Variants in GLIS3 observed in about 807,000 individuals in gnomAD.
GLIS3 encodes the protein GLIS family zinc finger 3.
Under a neutral mutation model 78.6 loss-of-function variants are expected in GLIS3, and 53 were observed. That is an observed-to-expected ratio of 0.67 (90% CI 0.54 to 0.85). GLIS3 has a LOEUF of 0.85. Ranked by LOEUF, GLIS3 falls within the 40% of genes least tolerant of loss-of-function variation. GLIS3 has a pLI of 0.00. For synonymous variants in GLIS3, 684 were observed against 509.9 expected, an observed-to-expected ratio of 1.34 and a Z score of -4.60; for missense variants, 1,703 against 1,231.1, an observed-to-expected ratio of 1.38 and a Z score of -5.74.
At chr9:4,260,762 A>G (rs1024652501) in intron 2 of GLIS3, among the ~76,000 whole-genome samples, 9 of 151,864 alleles carry the variant, frequency 5.9e-5, no homozygotes, top group African/African-American at 1.5e-4. Flanking sequence ...AAAAAAAAAG[A>G]AAAAAAGGAC....
chr9:3,904,601 A>G (rs1823535284), intron 6 of GLIS3, among the ~76,000 whole-genome samples: 2 of 152,212 alleles, frequency 1.3e-5, no homozygotes, highest in African/African-American at 4.8e-5. Context: ...TCAGGTCAGG[A>G]AGGAGAAAGC....
In GLIS3 at chr9:4,333,943, G is replaced by A. The variant is rs138754339; in HGVS notation, n.264+13138C>T. ...TTCCTTAAATCCTACCTGGAATGGT[G>A]CCACCTTGTCTGCTCTGATGACCTC... On this transcript the variant is annotated intron_variant and non_coding_transcript_variant, in intron 2 of 4. Transcript: ENST00000471664. Among the ~76,000 whole-genome samples, 78 of 152,298 alleles carry A rather than the reference G, an allele frequency of 5.1e-4. No individual in the cohort carries two copies. The East Asian group carries it at 0.011, about 22-fold the overall frequency.
chr9:4,297,677 T>C lies in GLIS3; in HGVS notation c.-99+1744A>G, dbSNP rs570057420. 2.0e-5 allele frequency among the ~76,000 whole-genome samples: 3 copies of C among 152,226 alleles called. No homozygotes were observed. In the East Asian group the frequency reaches 5.8e-4, roughly 30 times the overall value. On this transcript the variant is annotated intron_variant, in intron 1 of 10. Transcript: ENST00000381971. The stretch of plus-strand genomic sequence containing the variant: ...CCCTGTGATTCCGGAAGCACCTCCC[T>C]ACCCCTTCCCCAGGTTTACATGCTC...
intron 2 of GLIS3, among the ~76,000 whole-genome samples, chr9:4,215,205 A>T (rs4741921): frequency 0.22 from 32,792 of 152,134 alleles, 4,630 homozygotes; most frequent in South Asian, 0.48. Flanking sequence ...ATAAATTTAC[A>T]TGAAAGCCTT....
intron 2 of GLIS3, among the ~76,000 whole-genome samples, chr9:4,180,468 T>C (rs1047737044): frequency 6.6e-6 from 1 of 152,178 alleles, no homozygotes; most frequent in African/African-American, 2.4e-5. Context: ...ACATAATTTT[T>C]TACGGCTATT....
intron 2 of GLIS3, among the ~76,000 whole-genome samples, chr9:4,268,069 T>A (rs1373042936): frequency 2.0e-5 from 3 of 151,196 alleles, no homozygotes; most frequent in East Asian, 1.9e-4. Flanking sequence ...ACACACACAC[T>A]CACACACACA....
intron 2 of GLIS3, among the ~76,000 whole-genome samples, chr9:4,257,148 GTAT>G (rs1825029171): frequency 6.6e-6 from 1 of 152,126 alleles, no homozygotes; most frequent in Non-Finnish European, 1.5e-5. Context: ...TACATATGGA[GTAT>G]TATTAAGCCT....
chr9:4,292,494 G>A (rs754385939), intron 1 of GLIS3, among the ~76,000 whole-genome samples: 2 of 152,144 alleles, frequency 1.3e-5, no homozygotes, highest in Admixed American at 1.3e-4. Flanking sequence ...TGCAGGTACA[G>A]AGTTGAACAG....
the GLIS3 span, among the ~76,000 whole-genome samples, chr9:4,412,858 C>T: frequency 1.3e-5 from 2 of 152,214 alleles, no homozygotes; most frequent in African/African-American, 4.8e-5. Flanking sequence ...TCTCTTCCTC[C>T]ATCTGCCTCT....
chr9:3,946,991 G>A (rs1384815491), intron 4 of GLIS3, among the ~76,000 whole-genome samples: 2 of 143,070 alleles, frequency 1.4e-5, no homozygotes, highest in Non-Finnish European at 1.6e-5. Context: ...CGCCTCTGTC[G>A]GCCATCCTAC....
intron 2 of GLIS3, among the ~76,000 whole-genome samples, chr9:4,237,058 T>G (rs1364807714): frequency 1.3e-5 from 2 of 151,100 alleles, no homozygotes; most frequent in African/African-American, 4.8e-5. Flanking sequence ...ATCACAGAAA[T>G]GTTTTAGAAA....
the GLIS3 span, among the ~76,000 whole-genome samples, chr9:4,438,784 G>C: frequency 2.0e-5 from 3 of 152,136 alleles, no homozygotes; most frequent in Non-Finnish European, 4.4e-5. Context: ...CGCCATGTAG[G>C]ACGTGTCTTG....
intron 4 of GLIS3, among the ~76,000 whole-genome samples, chr9:4,068,602 G>A (rs1171182509): frequency 6.6e-6 from 1 of 152,044 alleles, no homozygotes; most frequent in Non-Finnish European, 1.5e-5. Flanking sequence ...AAATATTAGA[G>A]AAAATCCTGG....
intron 4 of GLIS3, among the ~76,000 whole-genome samples, chr9:4,060,530 G>A (rs988443693): frequency 1.3e-5 from 2 of 152,166 alleles, no homozygotes; most frequent in Non-Finnish European, 2.9e-5. Flanking sequence ...CTGCCCTCAT[G>A]AATGATGGGT....
At chr9:3,982,594 T>C (rs1045074009) in intron 4 of GLIS3, among the ~76,000 whole-genome samples, 2 of 152,202 alleles carry the variant, frequency 1.3e-5, no homozygotes, top group Non-Finnish European at 2.9e-5. Context: ...AAATTTGCTA[T>C]ATATTTAATA....
At chr9:4,175,403 T>C (rs770571359) in intron 2 of GLIS3, among the ~76,000 whole-genome samples, 1 of 152,156 alleles carries the variant, frequency 6.6e-6, no homozygotes, top group South Asian at 2.1e-4. Context: ...TTCTCCACAG[T>C]TCTGGAACTT....
chr9:4,454,187 C>T, the GLIS3 span, among the ~76,000 whole-genome samples: 1 of 148,710 alleles, frequency 6.7e-6, no homozygotes, highest in Non-Finnish European at 1.5e-5. Context: ...AGAAAAAAAC[C>T]AGAGACAGGG....
At chr9:3,950,735 T>C (rs747175125) in intron 4 of GLIS3, among the ~76,000 whole-genome samples, 5 of 152,234 alleles carry the variant, frequency 3.3e-5, no homozygotes, top group Admixed American at 6.5e-5. Flanking sequence ...ACCAGGCTTG[T>C]CCCTTTTCAT....
At chr9:3,949,270 GCACAGCGTTAAACCATTAGCA>G (rs1251746241) in intron 4 of GLIS3, among the ~76,000 whole-genome samples, 2 of 152,140 alleles carry the variant, frequency 1.3e-5, no homozygotes, top group African/African-American at 4.8e-5. Context: ...CAAAATCTGA[GCACAGCGTTAAACCATTAGCA>G]ATGACTAGAA....
Sources: gnomAD v4.1 joint callset for allele counts (sites outside exome capture counted in the v4.1 genomes callset) on GRCh38, gnomAD v4.1.1 for gene constraint, MANE v1.5 for transcripts, NCBI Gene and HGNC (gene_info 2026-07-23, HGNC 2026-07-21) for gene names.